Variants in RRP15 observed in about 807,000 individuals in gnomAD.
RRP15 encodes the protein RRP15-like protein.
Under a neutral mutation model 27.1 loss-of-function variants are expected in RRP15, and 18 were observed. The ratio of observed to expected loss-of-function variants is 0.66; its 90% CI spans 0.46 to 0.98. The LOEUF is 0.98. Ranked by LOEUF, RRP15 falls within the 50% of genes least tolerant of loss-of-function variation. The pLI, the probability that RRP15 is intolerant of heterozygous loss-of-function variation, is 0.00. For synonymous variants in RRP15, 107 were observed against 109.4 expected (o/e 0.98, Z 0.14); for missense variants, 359 against 337.8 (o/e 1.06, Z -0.49).
chr1:218,304,119 C>T (rs1014336726), intron 2 of RRP15, among the ~76,000 whole-genome samples: 9 of 151,918 alleles, frequency 5.9e-5, no homozygotes, highest in African/African-American at 9.7e-5. Context: ...TTATAGTGAG[C>T]GCAAGAATTT....
chr1:218,285,656 T>G (rs1655534008), intron 1 of RRP15, among the ~76,000 whole-genome samples: 2 of 152,100 alleles, frequency 1.3e-5, no homozygotes, highest in Admixed American at 1.3e-4. Context: ...ATTTTGAGTT[T>G]CCACATTCTT....
intron 4 of RRP15, among the ~76,000 whole-genome samples, chr1:218,315,183 G>A (rs920369421): frequency 6.6e-6 from 1 of 151,994 alleles, no homozygotes; most frequent in Non-Finnish European, 1.5e-5. Context: ...TCATTTATTT[G>A]TCATAAATGG....
intron 1 of RRP15, 98 bp from the exon 2 acceptor site, chr1:218,302,196 A>C (rs1655819953): frequency 2.3e-6 from 2 of 866,368 alleles, no homozygotes; most frequent in Non-Finnish European, 3.7e-6. Flanking sequence ...CCTTGCAAAA[A>C]TGGGGACAGG....
intron 4 of RRP15, among the ~76,000 whole-genome samples, chr1:218,318,467 T>C (rs1329709509): frequency 6.6e-6 from 1 of 152,168 alleles, no homozygotes; most frequent in Non-Finnish European, 1.5e-5. Flanking sequence ...TCCAGGCCAG[T>C]TGTCTTGAAG....
intron 3 of RRP15, 135 bp downstream of exon 3, chr1:218,305,260 CA>C (rs1655881104): frequency 1.6e-6 from 1 of 614,192 alleles, no homozygotes; most frequent in South Asian, 2.0e-5. Context: ...GCCTGTTCAA[CA>C]CTGAATTCAA....
At chr1:218,314,481 A>G (rs891858874) in intron 4 of RRP15, among the ~76,000 whole-genome samples, 4 of 152,228 alleles carry the variant, frequency 2.6e-5, no homozygotes, top group South Asian at 2.1e-4. Flanking sequence ...AAAGGCCGAC[A>G]GAAGCGGATG....
chr1:218,322,774 G>A (rs191189469), intron 4 of RRP15, among the ~76,000 whole-genome samples: 46 of 152,226 alleles, frequency 3.0e-4, no homozygotes, highest in African/African-American at 7.5e-4. Flanking sequence ...AAACCTCTGT[G>A]ACCAGTGGTG....
intron 1 of RRP15, among the ~76,000 whole-genome samples, chr1:218,294,649 GT>G (rs139444345): frequency 0.022 from 3,222 of 148,784 alleles, 47 homozygotes; most frequent in Non-Finnish European, 0.034. Context: ...TCTGAACCCT[GT>G]TTTTTTTTTA....
intron 4 of RRP15, among the ~76,000 whole-genome samples, chr1:218,326,550 A>C (rs1249267835): frequency 2.0e-5 from 3 of 152,170 alleles, no homozygotes; most frequent in African/African-American, 7.2e-5. Context: ...GAAGCTATGA[A>C]TATATGGGTG....
intron 1 of RRP15, among the ~76,000 whole-genome samples, chr1:218,298,667 G>C (rs373414348): frequency 6.6e-6 from 1 of 152,158 alleles, no homozygotes; most frequent in Non-Finnish European, 1.5e-5. Context: ...TCAGTACGTC[G>C]GAGGTTTAGC....
Position 218,330,972 on chromosome 1 carries a change from C to T in RRP15, c.730C>T (p.Pro244Ser), listed in dbSNP as rs770624388. 5.6e-6 allele frequency: 9 copies of T among 1,611,910 alleles called. No individual in the cohort carries two copies. The highest frequency in any genetic ancestry group is 5.5e-5 in the South Asian group (5 of 90,852). ...KQTEVKSEEG[P>S]GWTILRDDFM... ...GACTGAAGTGAAATCAGAAGAAGGC[C>T]CAGGTTGGACGATCCTACGTGATGA... The change falls in exon 5 of 5, where the codon CCA becomes TCA. Residue 244 changes from proline to serine, a missense_variant. Pro to Ser is a moderately conservative substitution (Grantham distance 74). Coordinates refer to ENST00000366932, the MANE Select transcript of RRP15 (RefSeq NM_016052.4).
rs568888939 is a variant in RRP15 at position 218,313,876 on chromosome 1, G to A, written c.705+6244G>A. On this transcript the variant is annotated intron_variant, in intron 4 of 4. Coordinates refer to ENST00000366932, the MANE Select transcript of RRP15 (RefSeq NM_016052.4). ...GAAGGAATTCCCTAATCCAGAAGCT[G>A]TAATTCTTCGATCAAATACAGGAAG... 4.6e-5 allele frequency among the ~76,000 whole-genome samples: 7 copies of A among 152,298 alleles called. No homozygotes were observed. The East Asian group carries it at 1.3e-3, about 29-fold the overall frequency.
At chr1:218,287,021 A>G (rs1439393138) in intron 1 of RRP15, among the ~76,000 whole-genome samples, 1 of 152,050 alleles carries the variant, frequency 6.6e-6, no homozygotes, top group East Asian at 1.9e-4. Flanking sequence ...TGGCACAAAC[A>G]GGGCTCACTG....
Position 218,285,387 on chromosome 1 carries a change from T to C in RRP15, c.71T>C (p.Met24Thr). 1 of 1,613,758 alleles carries C rather than the reference T, an allele frequency of 6.2e-7. No individual in the cohort carries two copies. The highest frequency in any genetic ancestry group is 8.5e-7 in the Non-Finnish European group (1 of 1,179,972). The change falls in exon 1 of 5, where the codon ATG becomes ACG. Residue 24 changes from methionine to threonine, a missense_variant. Physicochemically the swap from Met to Thr is moderately conservative, Grantham distance 81. Coordinates refer to ENST00000366932, the MANE Select transcript of RRP15 (RefSeq NM_016052.4). ...ENLKKTPKKK[M>T]KMVTGAVASV... ...CTGAAAAAGACCCCAAAGAAGAAGA[T>C]GAAAATGGTAACTGGAGCCGTAGCG...
chr1:218,299,014 C>T (rs1050070233), intron 1 of RRP15, among the ~76,000 whole-genome samples: 1 of 152,304 alleles, frequency 6.6e-6, no homozygotes, highest in South Asian at 2.1e-4. Context: ...GATATATCTG[C>T]TTCTGCTGTT....
chr1:218,307,578 G>A lies in RRP15; in HGVS notation c.651G>A (p.Met217Ile). 1.9e-6 allele frequency: 3 copies of A among 1,613,968 alleles called. No homozygotes were observed. Among genetic ancestry groups the A allele is most frequent in the Non-Finnish European group, 2.5e-6 (3 of 1,179,942 alleles). ...KKDFISVLRG[M>I]DGSTNETASS... ...ATTTCATCAGTGTTTTGAGAGGGAT[G>A]GATGGAAGTACAAATGAGACTGCTT... is the stretch of plus-strand genomic sequence containing the variant. Residue 217 changes from methionine (M) to isoleucine (I), a missense_variant, in exon 4 of 5, where the codon ATG becomes ATA. By Grantham distance (10) the Met-to-Ile change is conservative. Transcript: ENST00000366932.
chr1:218,313,023 G>A (rs943614198), intron 4 of RRP15, among the ~76,000 whole-genome samples: 1 of 152,166 alleles, frequency 6.6e-6, no homozygotes, highest in Admixed American at 6.5e-5. Flanking sequence ...AATGCCATAA[G>A]GTAAGTGATC....
chr1:218,302,783 G>A (rs899586214), intron 2 of RRP15: 23 of 519,556 alleles, frequency 4.4e-5, no homozygotes, highest in African/African-American at 3.5e-4. Context: ...TAATAGAAAT[G>A]TAAACGCTGA....
rs1283007733 is a variant in RRP15 at position 218,336,391 on chromosome 1, C to T, written c.*5300C>T. The T allele has an allele frequency of 6.6e-6, 1 of 152,564 alleles. No individual in the cohort carries two copies. The highest frequency in any genetic ancestry group is 1.5e-5 in the Non-Finnish European group (1 of 68,032). 9.5% of individuals were successfully genotyped at this position (152,564 alleles called of 1,614,324 possible). ...GAATCATTATCCTGCATTTTTAATG[C>T]AATCGGTTCATAAACATCAAAGTGA... On this transcript the variant is annotated 3_prime_UTR_variant, in exon 5 of 5. Coordinates refer to ENST00000366932, the MANE Select transcript of RRP15 (RefSeq NM_016052.4).
Sources: allele counts gnomAD v4.1 joint callset (sites outside exome capture counted in the v4.1 genomes callset), GRCh38; gene constraint gnomAD v4.1.1; transcripts MANE v1.5; gene names NCBI Gene and HGNC (gene_info 2026-07-23, HGNC 2026-07-21).